Variants in L2HGDH observed in about 807,000 individuals in gnomAD.
L2HGDH encodes the protein L-2-hydroxyglutarate dehydrogenase, also known as L-2-hydroxyglutarate dehydrogenase, mitochondrial.
L2HGDH carries 34 observed loss-of-function variants against 51.5 expected under a neutral mutation model. The observed-to-expected ratio is 0.66, with a 90% CI of 0.50 to 0.88. The LOEUF (loss-of-function observed/expected upper bound fraction) is 0.88. L2HGDH is among the 40% of genes least tolerant of loss of function. The probability of loss-of-function intolerance (pLI) is 0.00; values close to 1 mark genes in which losing one functional copy is unlikely to be tolerated. For missense variants in L2HGDH, 558 were observed against 571.9 expected (o/e 0.98, Z 0.25); for synonymous variants, 198 against 197.9 (o/e 1.00, Z -0.01).
In L2HGDH at chr14:50,302,989, C is replaced by T. The variant is rs199690954; in HGVS notation, c.169G>A (p.Gly57Arg). The stretch of plus-strand genomic sequence containing the variant: ...CTGGCAGAGGCAAGCCCCACAATTC[C>T]GCCACCAACGATGACTATATCAAAT... ...SSFDIVIVGG[G>R]IVGLASARAL... is the part of the protein sequence containing the mutation. The change falls in exon 2 of 10, where the codon GGA (glycine) becomes AGA (arginine). Residue 57 changes from glycine to arginine, a missense_variant. By Grantham distance (125) the Gly-to-Arg change is moderately radical. Around this residue, in one of 3 missense-constraint regions of L2HGDH, gnomAD observed 194 missense variants for 187.2 expected, o/e 1.04. Coordinates refer to ENST00000267436, the MANE Select transcript of L2HGDH (RefSeq NM_024884.3). The T allele has an allele frequency of 1.1e-5, 18 of 1,613,260 alleles. No individual in the cohort carries two copies. Among genetic ancestry groups the T allele is most frequent in the Admixed American group, 6.7e-5 (4 of 59,994 alleles).
intron 4 of L2HGDH, among the ~76,000 whole-genome samples, chr14:50,287,532 T>C (rs80027895): frequency 0.032 from 4,801 of 152,036 alleles, 243 homozygotes; most frequent in African/African-American, 0.11. Flanking sequence ...CAAATAAAAA[T>C]TAAAAGGTTT....
intron 4 of L2HGDH, among the ~76,000 whole-genome samples, 194 bp downstream of exon 4, chr14:50,293,921 G>A (rs1366074721): frequency 1.3e-5 from 2 of 152,146 alleles, no homozygotes; most frequent in Non-Finnish European, 2.9e-5. Context: ...GTCAGACCTG[G>A]TATTTTCTCA....
chr14:50,300,945 C>T (rs550982914), intron 3 of L2HGDH, among the ~76,000 whole-genome samples: 67 of 152,300 alleles, frequency 4.4e-4, no homozygotes, highest in African/African-American at 1.5e-3. Context: ...CCACCTCAGC[C>T]TCCCAAGTAG....
At position 50,245,381 on chromosome 14, in the gene L2HGDH, T is replaced by C. The variant is rs998128666; in HGVS notation, c.*1677A>G. ...TTATTTCAGTTCTCAGCCACAGAGA[T>C]TGAAGAACAGGACAACCACTCAGTG... On this transcript the variant is annotated 3_prime_UTR_variant, in exon 10 of 10. Coordinates refer to ENST00000267436, the MANE Select transcript of L2HGDH (RefSeq NM_024884.3). 7 of 985,316 alleles carry C rather than the reference T, an allele frequency of 7.1e-6. No homozygotes were observed. Among genetic ancestry groups the C allele is most frequent in the East Asian group, 1.1e-4 (1 of 8,832 alleles). The allele number at this position is 985,316 out of a possible 1,614,324, so 61.0% of individuals were successfully genotyped here.
chr14:50,247,362 T>C (rs1460014618), intron 9 of L2HGDH, 109 bp from the exon 10 acceptor site: 1 of 1,503,678 alleles, frequency 6.7e-7, no homozygotes, highest in African/African-American at 1.4e-5. Context: ...AAATGCACAA[T>C]TATATGGAAA....
At chr14:50,270,611 A>G (rs1221776178) in intron 6 of L2HGDH, among the ~76,000 whole-genome samples, 1 of 151,998 alleles carries the variant, frequency 6.6e-6, no homozygotes, top group Non-Finnish European at 1.5e-5. Context: ...GGTTCACGCC[A>G]TTCTCCTGCC....
In L2HGDH at chr14:50,242,733, AGT is replaced by A. The variant is rs1478630816; in HGVS notation, c.*4323_*4324del. 3 of 985,244 alleles carry A rather than the reference AGT, an allele frequency of 3.0e-6. No homozygotes were observed. Among genetic ancestry groups the A allele is most frequent in the East Asian group, 1.1e-4 (1 of 8,812 alleles). 61.0% of individuals were successfully genotyped at this position (985,244 alleles called of 1,614,324 possible). A position where few individuals can be genotyped will look rare whatever the true frequency, so the allele number is the denominator to read the frequency against. On this transcript the variant is annotated 3_prime_UTR_variant, in exon 10 of 10. Transcript: ENST00000267436. ...GAAGAGATTTCAAAAACTCCCTTTG[AGT>A]GTGTTAGAAAAGCTTAGAAACTGAC...
chr14:50,245,605 T>C lies in L2HGDH; in HGVS notation c.*1453A>G, dbSNP rs1052924971. Reference sequence around the variant, plus strand: ...TTTTAATTTCCAAATACAAATATTGTTGCTCTAAATAATGTGAGTTTTGTG... The same window carrying C: ...TTTTAATTTCCAAATACAAATATTGCTGCTCTAAATAATGTGAGTTTTGTG... On this transcript the variant is annotated 3_prime_UTR_variant, in exon 10 of 10. Coordinates refer to ENST00000267436, the MANE Select transcript of L2HGDH (RefSeq NM_024884.3). The C allele has an allele frequency of 4.4e-5, 43 of 970,178 alleles. No individual in the cohort carries two copies. The highest frequency in any genetic ancestry group is 4.5e-5 in the Non-Finnish European group (37 of 816,172). The allele number at this position is 970,178 out of a possible 1,614,324, so 60.1% of individuals were successfully genotyped here. A position where few individuals can be genotyped will look rare whatever the true frequency, so the allele number is the denominator to read the frequency against.
chr14:50,260,455 C>A (rs192507640), intron 9 of L2HGDH, among the ~76,000 whole-genome samples: 3 of 152,150 alleles, frequency 2.0e-5, no homozygotes, highest in African/African-American at 7.2e-5. Context: ...ATATTTTATA[C>A]GTTGAGTCAC....
intron 6 of L2HGDH, 104 bp from the exon 7 acceptor site, chr14:50,269,434 T>G: frequency 8.7e-7 from 1 of 1,154,876 alleles, no homozygotes; most frequent in Non-Finnish European, 1.3e-6. Flanking sequence ...GAAATAGAAT[T>G]TTTTCTAAAA....
intron 1 of L2HGDH, among the ~76,000 whole-genome samples, chr14:50,303,225 C>T (rs1164341986): frequency 2.6e-5 from 4 of 151,670 alleles, no homozygotes; most frequent in Non-Finnish European, 4.4e-5. Context: ...AGATCGAGAC[C>T]ATCCTGGCCA....
intron 8 of L2HGDH, among the ~76,000 whole-genome samples, 161 bp downstream of exon 8, chr14:50,267,592 C>A (rs1889418920): frequency 1.3e-5 from 2 of 151,996 alleles, no homozygotes; most frequent in African/African-American, 4.8e-5. Context: ...TTGTTTGCTA[C>A]CCCATCCACT....
At chr14:50,254,457 T>G (rs1331934374) in intron 9 of L2HGDH, among the ~76,000 whole-genome samples, 1 of 152,150 alleles carries the variant, frequency 6.6e-6, no homozygotes, top group Admixed American at 6.6e-5. Context: ...GTATGTGGCC[T>G]ATTTTGTATA....
chr14:50,307,192 A>G (rs944725327), intron 1 of L2HGDH, among the ~76,000 whole-genome samples: 1 of 152,212 alleles, frequency 6.6e-6, no homozygotes, highest in Non-Finnish European at 1.5e-5. Flanking sequence ...TTACCTTGGT[A>G]CAGATTCCCA....
rs144943179 is a variant in L2HGDH at position 50,255,433 on chromosome 14, G to A, written c.1197-8180C>T. The stretch of plus-strand genomic sequence containing the variant: ...CACCTGTAATCCCAGCTACTCGGGA[G>A]GCTGAGGCAGGAAAATCGCTTGAAT... On this transcript the variant is annotated intron_variant, in intron 9 of 9. Coordinates refer to ENST00000267436, the MANE Select transcript of L2HGDH (RefSeq NM_024884.3). 3.2e-3 allele frequency among the ~76,000 whole-genome samples: 487 copies of A among 151,706 alleles called. 10 individuals are homozygous for A. In the East Asian group the frequency reaches 0.04, roughly 13 times the overall value.
In L2HGDH at chr14:50,265,386, G is replaced by A; in HGVS notation, c.1168C>T (p.Pro390Ser). ...ATVKYLQKFIPEITISDILRG... is the reference protein window; with the variant it reads ...ATVKYLQKFISEITISDILRG... ...AGTATATCACTGATAGTAATTTCAG[G>A]GATGAATTTTTGAAGATACTTCACT... Residue 390 changes from proline to serine, a missense_variant, in exon 9 of 10, where the codon CCT becomes TCT. Physicochemically the swap from Pro to Ser is moderately conservative, Grantham distance 74. Around this residue, in one of 3 missense-constraint regions of L2HGDH, gnomAD observed 321 missense variants for 311.8 expected, o/e 1.03. Coordinates refer to ENST00000267436, the MANE Select transcript of L2HGDH (RefSeq NM_024884.3). 6.2e-7 allele frequency: 1 copy of A among 1,610,888 alleles called. No homozygotes were observed. Among genetic ancestry groups the A allele is most frequent in the Non-Finnish European group, 8.5e-7 (1 of 1,177,366 alleles).
chr14:50,245,928 C>T lies in L2HGDH; in HGVS notation c.*1130G>A. The T allele has an allele frequency of 2.0e-6, 1 of 489,370 alleles. No individual in the cohort carries two copies. The highest frequency in any genetic ancestry group is 2.7e-6 in the Non-Finnish European group (1 of 376,396). The allele number at this position is 489,370 out of a possible 1,614,324, so 30.3% of individuals were successfully genotyped here. On this transcript the variant is annotated 3_prime_UTR_variant, in exon 10 of 10. Transcript: ENST00000267436. ...CCTGAGGTCAGGAATTCGAGACCAG[C>T]CTGGCCAACATGGCAAAACCCCGTC...
At chr14:50,296,720 A>T (rs545776517) in intron 3 of L2HGDH, among the ~76,000 whole-genome samples, 38 of 152,214 alleles carry the variant, frequency 2.5e-4, no homozygotes, top group African/African-American at 8.9e-4. Context: ...TCACTTCCCA[A>T]CTAATTCTGT....
chr14:50,307,108 G>A (rs989855541), intron 1 of L2HGDH, among the ~76,000 whole-genome samples: 3 of 151,858 alleles, frequency 2.0e-5, no homozygotes, highest in African/African-American at 4.8e-5. Flanking sequence ...GAGCCACTGC[G>A]CCTGGCCCCT....
Sources: allele counts gnomAD v4.1 joint callset (sites outside exome capture counted in the v4.1 genomes callset), GRCh38; gene constraint gnomAD v4.1.1; regional missense constraint gnomAD v4.1.1; transcripts MANE v1.5; gene names NCBI Gene and HGNC (gene_info 2026-07-23, HGNC 2026-07-21).